PTPRD: variants seen among roughly 807,000 people sequenced by gnomAD.
The protein encoded by PTPRD is receptor-type tyrosine-protein phosphatase delta.
Under a neutral mutation model 214.5 loss-of-function variants are expected in PTPRD, and 34 were observed. That is an observed-to-expected ratio of 0.16 (90% CI 0.12 to 0.21). The LOEUF is 0.21. Ranked by LOEUF, PTPRD falls within the 10% of genes least tolerant of loss-of-function variation. The pLI is 1.00. For missense variants in PTPRD, 2,545 were observed against 2,398.7 expected, an observed-to-expected ratio of 1.06 and a Z score of -1.27; for synonymous variants, 1,128 against 845.7, an observed-to-expected ratio of 1.33 and a Z score of -5.79.
At chr9:9,271,169 T>C (rs1942761084) in intron 9 of PTPRD, among the ~76,000 whole-genome samples, 1 of 151,326 alleles carries the variant, frequency 6.6e-6, no homozygotes, top group Admixed American at 6.6e-5. Context: ...CTTCAAAGAT[T>C]AGTCATACAT....
chr9:8,718,332 G>T (rs972339882), intron 12 of PTPRD, among the ~76,000 whole-genome samples: 4 of 152,072 alleles, frequency 2.6e-5, no homozygotes, highest in African/African-American at 9.7e-5. Context: ...ATCTCAGAAC[G>T]CAAGTAACTG....
intron 2 of PTPRD, among the ~76,000 whole-genome samples, chr9:10,396,664 T>C (rs1346703428): frequency 6.6e-6 from 1 of 151,984 alleles, no homozygotes; most frequent in East Asian, 1.9e-4. Context: ...TAAAGCACCT[T>C]CTTAATGAGA....
intron 9 of PTPRD, among the ~76,000 whole-genome samples, chr9:9,346,212 G>T (rs1048258290): frequency 6.6e-6 from 1 of 152,056 alleles, no homozygotes; most frequent in African/African-American, 2.4e-5. Flanking sequence ...TACTAACAAG[G>T]TGTTTACAAT....
rs567957742 is a variant in PTPRD, at chr9:8,738,712, T to C, written c.-103-4766A>G. Among the ~76,000 whole-genome samples, 6 of 152,132 alleles carry C rather than the reference T, an allele frequency of 3.9e-5. No individual in the cohort carries two copies. In the East Asian group the frequency reaches 1.2e-3, roughly 29 times the overall value. ...TTTCACTGGTTACTCTAGGAGAAAGTTAGAGAACCAAATCATTACTCTGAA... is the reference window on the plus strand; with the variant it reads ...TTTCACTGGTTACTCTAGGAGAAAGCTAGAGAACCAAATCATTACTCTGAA... On this transcript the variant is annotated intron_variant, in intron 11 of 45. Transcript: ENST00000381196.
At chr9:10,436,734 C>G (rs1029630893) in intron 2 of PTPRD, among the ~76,000 whole-genome samples, 9 of 151,490 alleles carry the variant, frequency 5.9e-5, no homozygotes, top group Non-Finnish European at 1.2e-4. Context: ...CTATTATTTC[C>G]TGTTTTATTT....
chr9:9,731,278 A>C (rs111484609), intron 7 of PTPRD, among the ~76,000 whole-genome samples: 4 of 152,034 alleles, frequency 2.6e-5, no homozygotes, highest in Non-Finnish European at 4.4e-5. Context: ...TTGTATTTCA[A>C]TAGTACTCTG....
intron 10 of PTPRD, among the ~76,000 whole-genome samples, chr9:9,179,076 G>A (rs950928845): frequency 6.6e-6 from 1 of 152,064 alleles, no homozygotes; most frequent in African/African-American, 2.4e-5. Flanking sequence ...CCAAACTAGT[G>A]CTACTCAGAA....
chr9:8,713,117 A>T (rs1259582946), intron 12 of PTPRD, among the ~76,000 whole-genome samples: 1 of 152,208 alleles, frequency 6.6e-6, no homozygotes, highest in Non-Finnish European at 1.5e-5. Context: ...AGAGGATTAA[A>T]AAGACTTAAA....
At chr9:9,866,661 C>A (rs1007054249) in intron 5 of PTPRD, among the ~76,000 whole-genome samples, 10 of 152,056 alleles carry the variant, frequency 6.6e-5, no homozygotes, top group Admixed American at 3.3e-4. Flanking sequence ...TTAGCATAAG[C>A]TTCTATTGAG....
rs77035791 is a variant in PTPRD, at chr9:10,053,453, C to T, written c.-544-19663G>A. Among the ~76,000 whole-genome samples the T allele has an allele frequency of 6.0e-3, 919 of 152,000 alleles. 9 individuals carry two copies. The highest frequency in any genetic ancestry group is 0.015 in the African/African-American group (641 of 41,480). ...AGGAGTTTAAATATTTCATGAGGAACGTGAAATGTGATGTATTGTAACTAC... is the reference window on the plus strand; with the variant it reads ...AGGAGTTTAAATATTTCATGAGGAATGTGAAATGTGATGTATTGTAACTAC... On this transcript the variant is annotated intron_variant, in intron 3 of 45. Transcript: ENST00000381196.
intron 9 of PTPRD, among the ~76,000 whole-genome samples, chr9:9,237,144 T>A (rs1193256098): frequency 6.6e-6 from 1 of 152,212 alleles, no homozygotes; most frequent in East Asian, 1.9e-4. Context: ...AGAAATCTTT[T>A]GATTTCCTTC....
At chr9:10,540,772 T>A (rs1016923386) in intron 2 of PTPRD, among the ~76,000 whole-genome samples, 2 of 152,210 alleles carry the variant, frequency 1.3e-5, no homozygotes, top group Admixed American at 1.3e-4. Context: ...TTTGGCTTTG[T>A]TTACAAGTAA....
intron 4 of PTPRD, among the ~76,000 whole-genome samples, chr9:9,956,039 CACTA>C (rs996463953): frequency 6.6e-6 from 1 of 152,046 alleles, no homozygotes; most frequent in African/African-American, 2.4e-5. Context: ...TGTACCAACC[CACTA>C]ACTGTTGATC....
chr9:9,474,613 T>C (rs1049070010), intron 8 of PTPRD, among the ~76,000 whole-genome samples: 6 of 152,138 alleles, frequency 3.9e-5, no homozygotes, highest in African/African-American at 1.4e-4. Context: ...CTCTTCAATT[T>C]ATTTCATCAG....
At chr9:9,544,129 G>A (rs2078215745) in intron 8 of PTPRD, among the ~76,000 whole-genome samples, 1 of 151,514 alleles carries the variant, frequency 6.6e-6, no homozygotes, top group Admixed American at 6.6e-5. Flanking sequence ...GATAAATGGT[G>A]AGCATTAGGA....
At chr9:9,020,198 TATG>T (rs1407526100) in intron 10 of PTPRD, among the ~76,000 whole-genome samples, 1 of 152,208 alleles carries the variant, frequency 6.6e-6, no homozygotes, top group Non-Finnish European at 1.5e-5. Context: ...CAGTATATTA[TATG>T]ATAATTATAC....
In PTPRD at chr9:9,012,847, C is replaced by G. The variant is rs144523377; in HGVS notation, c.-104+5850G>C. On this transcript the variant is annotated intron_variant, in intron 11 of 45. Transcript: ENST00000381196. ...TAAAACTTCACAAAACTCAGCAATG[C>G]TAAAAGAAAATCTGTGACTTGCCTT... Among the ~76,000 whole-genome samples the G allele has an allele frequency of 4.7e-4, 72 of 152,200 alleles. 1 individual carries two copies. The highest frequency in any genetic ancestry group is 1.7e-3 in the African/African-American group (71 of 41,544).
At chr9:8,751,651 G>C (rs1438698071) in intron 11 of PTPRD, among the ~76,000 whole-genome samples, 2 of 152,092 alleles carry the variant, frequency 1.3e-5, no homozygotes, top group Non-Finnish European at 2.9e-5. Context: ...TAGCTTTTCA[G>C]TCTTAGTTAT....
intron 8 of PTPRD, among the ~76,000 whole-genome samples, chr9:9,426,979 A>C (rs1175939029): frequency 6.6e-6 from 1 of 152,230 alleles, no homozygotes; most frequent in Non-Finnish European, 1.5e-5. Context: ...AAAAGATGAA[A>C]AATCTAAAAA....
Sources: gnomAD v4.1 joint callset for allele counts (sites outside exome capture counted in the v4.1 genomes callset) on GRCh38, gnomAD v4.1.1 for gene constraint, MANE v1.5 for transcripts, NCBI Gene and HGNC (gene_info 2026-07-23, HGNC 2026-07-21) for gene names.